NRG1: variants seen among roughly 807,000 people sequenced by gnomAD.
The protein encoded by NRG1 is neuregulin 1, also known as pro-neuregulin-1, membrane-bound isoform.
In NRG1, 18 loss-of-function variants were observed where a neutral mutation model predicts 63.8. That is an observed-to-expected ratio of 0.28 (90% CI 0.19 to 0.42). The LOEUF is 0.42. Ranked by LOEUF, NRG1 falls within the 10% of genes least tolerant of loss-of-function variation. The pLI is 1.00. For missense variants in NRG1, 762 were observed against 814.7 expected, an observed-to-expected ratio of 0.94 and a Z score of 0.79; for synonymous variants, 302 against 301.3, an observed-to-expected ratio of 1.00 and a Z score of -0.02.
rs539920558 is a variant in NRG1, at chr8:31,971,106, G to A, written c.37+331675G>A. ...ATTTAACCATTAAAATAGTAAATAT[G>A]TTGCTTTTTTTTTTTCTTAATTGAA... On this transcript the variant is annotated intron_variant, in intron 1 of 10. Coordinates refer to the NRG1 transcript ENST00000519301. Among the ~76,000 whole-genome samples the A allele has an allele frequency of 3.3e-4, 50 of 152,054 alleles. No homozygotes were observed. In the Middle Eastern group the frequency reaches 0.017, roughly 52 times the overall value.
intron 1 of NRG1, among the ~76,000 whole-genome samples, chr8:31,995,066 A>G (rs1022540080): frequency 6.6e-6 from 1 of 151,930 alleles, no homozygotes; most frequent in Non-Finnish European, 1.5e-5. Flanking sequence ...TTATTCCCAT[A>G]TTATGTTATA....
At chr8:32,367,739 A>T (rs1389741338) in intron 1 of NRG1, among the ~76,000 whole-genome samples, 1 of 152,096 alleles carries the variant, frequency 6.6e-6, no homozygotes, top group Non-Finnish European at 1.5e-5. Context: ...TAGCCACAAG[A>T]TCTTCGCCCA....
At chr8:31,894,956 A>T (rs371745173) in intron 1 of NRG1, among the ~76,000 whole-genome samples, 1 of 152,202 alleles carries the variant, frequency 6.6e-6, no homozygotes. Flanking sequence ...ATCTCTGAGG[A>T]CTTACATATA....
chr8:32,562,422 T>A (rs1038005444), intron 1 of NRG1, among the ~76,000 whole-genome samples: 5 of 152,182 alleles, frequency 3.3e-5, no homozygotes, highest in East Asian at 1.9e-4. Context: ...TATTTTTTTT[T>A]TAATTTTGTA....
At chr8:31,755,868 G>GGCTTTATT (rs1161936415) in intron 1 of NRG1, among the ~76,000 whole-genome samples, 1 of 152,042 alleles carries the variant, frequency 6.6e-6, no homozygotes, top group Non-Finnish European at 1.5e-5. Flanking sequence ...TGCTCCAGAA[G>GGCTTTATT]GCTTTATTTG....
chr8:32,712,186 G>A (rs1817989321), intron 5 of NRG1, among the ~76,000 whole-genome samples: 2 of 152,220 alleles, frequency 1.3e-5, no homozygotes, highest in African/African-American at 2.4e-5. Context: ...CAGCCTCTCC[G>A]ATTTTCATGC....
rs371977944 is a variant in NRG1, at chr8:31,639,441, C to T, written c.37+10C>T. On this transcript the variant is annotated intron_variant, in intron 1 of 10. Transcript: ENST00000519301. ...CGAGTTGGCACCACAGGTAAACAGGCTGGCGAGGCGCAGGACGCTGTCGCC... is the reference window on the plus strand; with the variant it reads ...CGAGTTGGCACCACAGGTAAACAGGTTGGCGAGGCGCAGGACGCTGTCGCC... 7 of 1,534,488 alleles carry T rather than the reference C, an allele frequency of 4.6e-6. No individual in the cohort carries two copies. The Admixed American group carries it at 7.8e-5, about 17-fold the overall frequency.
At chr8:31,981,326 A>T (rs554120254) in intron 1 of NRG1, among the ~76,000 whole-genome samples, 4 of 152,048 alleles carry the variant, frequency 2.6e-5, no homozygotes, top group Admixed American at 1.3e-4. Context: ...TTTTTTTCCT[A>T]AAAAAACCCA....
chr8:32,763,377 T>C, intron 11 of NRG1: 1 of 1,612,036 alleles, frequency 6.2e-7, no homozygotes, highest in Non-Finnish European at 8.5e-7. Flanking sequence ...ATTTAAGTAA[T>C]ACTTCTTTCC....
chr8:32,585,069 A>C (rs1049725330), intron 1 of NRG1, among the ~76,000 whole-genome samples: 2 of 152,224 alleles, frequency 1.3e-5, no homozygotes, highest in Non-Finnish European at 2.9e-5. Flanking sequence ...CTAAGCAATA[A>C]ACACATCAGA....
chr8:32,446,480 C>A (rs1168629031), intron 1 of NRG1, among the ~76,000 whole-genome samples: 1 of 151,978 alleles, frequency 6.6e-6, no homozygotes, highest in South Asian at 2.1e-4. Flanking sequence ...TATGGTGAAA[C>A]CCTGTCTCTA....
At chr8:31,890,465 C>G (rs1831058023) in intron 1 of NRG1, among the ~76,000 whole-genome samples, 1 of 151,938 alleles carries the variant, frequency 6.6e-6, no homozygotes, top group Non-Finnish European at 1.5e-5. Flanking sequence ...GGGGAAGAGA[C>G]AAAGAGAATC....
At chr8:31,705,559 T>TTGTGTTGTGACACAA (rs1811069783) in intron 1 of NRG1, among the ~76,000 whole-genome samples, 2 of 152,184 alleles carry the variant, frequency 1.3e-5, no homozygotes, top group African/African-American at 4.8e-5. Flanking sequence ...TGTAGATAAT[T>TTGTGTTGTGACACAA]AATGTTGTGA....
In NRG1 at chr8:32,131,042, CAA is replaced by C. The variant is rs565909878; in HGVS notation, c.38-464784_38-464783del. Among the ~76,000 whole-genome samples, 46 of 151,980 alleles carry C rather than the reference CAA, an allele frequency of 3.0e-4. 1 individual carries two copies. In the South Asian group the frequency reaches 5.8e-3, roughly 19 times the overall value. On this transcript the variant is annotated intron_variant, in intron 1 of 10. Transcript: ENST00000519301. ...GCAGAGTTGCTAAAACTATAAATAA[CAA>C]AGAGGAAGGTTAATTAGCAAATTAA...
At chr8:32,478,906 G>A (rs893115056) in intron 1 of NRG1, among the ~76,000 whole-genome samples, 5 of 152,112 alleles carry the variant, frequency 3.3e-5, no homozygotes, top group Non-Finnish European at 4.4e-5. Context: ...AATTGAATTT[G>A]GTTATTATCT....
intron 1 of NRG1, among the ~76,000 whole-genome samples, chr8:32,091,240 T>C (rs1028486243): frequency 6.7e-6 from 1 of 148,704 alleles, no homozygotes; most frequent in Non-Finnish European, 1.5e-5. Context: ...ATCACGCCAC[T>C]GCACTCCAGC....
intron 1 of NRG1, among the ~76,000 whole-genome samples, chr8:31,914,796 T>C (rs1325269423): frequency 6.6e-6 from 1 of 152,102 alleles, no homozygotes; most frequent in African/African-American, 2.4e-5. Context: ...GAAGGACCAG[T>C]GTCTCAGAGC....
intron 1 of NRG1, among the ~76,000 whole-genome samples, chr8:32,471,701 A>G (rs1158822812): frequency 6.6e-6 from 1 of 152,168 alleles, no homozygotes; most frequent in African/African-American, 2.4e-5. Flanking sequence ...TAACATTTGT[A>G]ATGTTCAAAT....
At chr8:31,689,295 G>A (rs1297018104) in intron 1 of NRG1, among the ~76,000 whole-genome samples, 1 of 152,244 alleles carries the variant, frequency 6.6e-6, no homozygotes. Context: ...CACTAGGTAA[G>A]TGAAACTACA....
Sources: gnomAD v4.1 joint callset for allele counts (sites outside exome capture counted in the v4.1 genomes callset) on GRCh38, gnomAD v4.1.1 for gene constraint, MANE v1.5 for transcripts, NCBI Gene and HGNC (gene_info 2026-07-23, HGNC 2026-07-21) for gene names.